EXO1: variants seen among roughly 807,000 people sequenced by gnomAD.
EXO1 encodes exonuclease 1.
In EXO1, 69 loss-of-function variants were observed where a neutral mutation model predicts 84.5. The observed-to-expected ratio is 0.82, with a 90% CI of 0.67 to 1.00. EXO1 has a LOEUF of 1.00. Among genes scored for constraint, EXO1 ranks in the 50% least tolerant of loss-of-function variants. EXO1 has a pLI of 0.00. For synonymous variants in EXO1, 373 were observed against 366.1 expected, an observed-to-expected ratio of 1.02 and a Z score of -0.21; for missense variants, 1,045 against 1,000.7, an observed-to-expected ratio of 1.04 and a Z score of -0.60.
intron 14 of EXO1, among the ~76,000 whole-genome samples, 199 bp from the exon 15 acceptor site, chr1:241,885,115 G>A (rs1662976326): frequency 6.6e-6 from 1 of 152,040 alleles, no homozygotes; most frequent in African/African-American, 2.4e-5. Flanking sequence ...GCTGAGGCAG[G>A]AGAATGGCGT....
chr1:241,857,778 T>C (rs1661147713), intron 7 of EXO1, among the ~76,000 whole-genome samples: 1 of 152,224 alleles, frequency 6.6e-6, no homozygotes, highest in African/African-American at 2.4e-5. Flanking sequence ...TTTGTTATTG[T>C]TTTATGCAGA....
chr1:241,866,756 T>C, intron 10 of EXO1, 74 bp from the exon 11 acceptor site: 1 of 1,120,438 alleles, frequency 8.9e-7, no homozygotes, highest in Admixed American at 1.7e-5. Flanking sequence ...TTATTTATAA[T>C]TTATGTTGAT....
chr1:241,860,943 T>A (rs1776131), intron 9 of EXO1, among the ~76,000 whole-genome samples: 99,913 of 152,132 alleles, frequency 0.66, 33,850 homozygotes, highest in African/African-American at 0.82. Flanking sequence ...TGACTGACAG[T>A]AGCATGCACA....
chr1:241,864,947 C>T (rs1462390324), intron 10 of EXO1, among the ~76,000 whole-genome samples: 1 of 150,674 alleles, frequency 6.6e-6, no homozygotes, highest in African/African-American at 2.4e-5. Flanking sequence ...GCAGTGGCAC[C>T]ATCAGAGCTC....
chr1:241,873,232 A>G (rs567506180), intron 12 of EXO1, among the ~76,000 whole-genome samples: 1 of 152,084 alleles, frequency 6.6e-6, no homozygotes, highest in Admixed American at 6.6e-5. Flanking sequence ...CCCTCCCCCC[A>G]ATTGTGGTTT....
intron 10 of EXO1, among the ~76,000 whole-genome samples, chr1:241,865,500 C>G (rs528303381): frequency 7.9e-5 from 12 of 152,068 alleles, no homozygotes; most frequent in Non-Finnish European, 1.5e-4. Flanking sequence ...TGTGAGCCAC[C>G]ATGCCTGGCC....
rs1661320299 is a variant in EXO1 at position 241,860,507 on chromosome 1, G to A, written c.757-10G>A. ...AGTTGCAGATAAAATATTTTTGCAT[G>A]CATTGTTAGGTTATCAAGAAAATTG... On this transcript the variant is annotated splice_polypyrimidine_tract_variant and intron_variant, in intron 8 of 15. Transcript: ENST00000366548. 6.3e-7 allele frequency: 1 copy of A among 1,598,712 alleles called. No individual in the cohort carries two copies. The highest frequency in any genetic ancestry group is 1.1e-5 in the South Asian group (1 of 90,736).
At chr1:241,889,431 A>G in intron 15 of EXO1, 34 bp from the exon 16 acceptor site, 1 of 1,594,284 alleles carries the variant, frequency 6.3e-7, no homozygotes, top group Non-Finnish European at 8.6e-7. Context: ...TCAGTACCTT[A>G]AAAATACCAA....
At chr1:241,889,081 A>AG (rs896019192) in intron 15 of EXO1, among the ~76,000 whole-genome samples, 2 of 152,126 alleles carry the variant, frequency 1.3e-5, no homozygotes, top group African/African-American at 4.8e-5. Flanking sequence ...AAAAAGAAAA[A>AG]AAATAATAAT....
chr1:241,855,205 G>C (rs149431640), intron 6 of EXO1, among the ~76,000 whole-genome samples: 2 of 152,160 alleles, frequency 1.3e-5, no homozygotes, highest in African/African-American at 4.8e-5. Context: ...TGGTAGAACC[G>C]AGTGGTCTGT....
chr1:241,862,112 A>G (rs986532765), intron 10 of EXO1, among the ~76,000 whole-genome samples: 3 of 151,906 alleles, frequency 2.0e-5, no homozygotes, highest in Non-Finnish European at 4.4e-5. Flanking sequence ...CTAATTTTGT[A>G]TTTTTAGTAG....
At chr1:241,869,623 A>G (rs189334123) in intron 11 of EXO1, among the ~76,000 whole-genome samples, 1 of 152,304 alleles carries the variant, frequency 6.6e-6, no homozygotes, top group East Asian at 1.9e-4. Flanking sequence ...CATGATAATT[A>G]TCTCTGAACC....
intron 8 of EXO1, 46 bp from the exon 9 acceptor site, chr1:241,860,471 C>G: frequency 7.3e-7 from 1 of 1,364,520 alleles, no homozygotes; most frequent in South Asian, 1.2e-5. Context: ...ATAATATGTT[C>G]CCTGTTCTTT....
At position 241,875,369 on chromosome 1, in the gene EXO1, G is replaced by A. The variant is rs539993133; in HGVS notation, c.1514+3091G>A. Among the ~76,000 whole-genome samples, 243 of 152,306 alleles carry A rather than the reference G, an allele frequency of 1.6e-3. 1 individual carries two copies. Among genetic ancestry groups the A allele is most frequent in the Non-Finnish European group, 7.6e-4 (52 of 68,034 alleles). On this transcript the variant is annotated intron_variant, in intron 12 of 15. Coordinates refer to ENST00000366548, the MANE Select transcript of EXO1 (RefSeq NM_130398.4). ...GTCTAACCATGATGATGGGAGAAGA[G>A]CATGAAAGAATGAACCACTGGTAGT... is the stretch of plus-strand genomic sequence containing the variant.
chr1:241,885,520 G>A lies in EXO1; in HGVS notation c.2405+13G>A, dbSNP rs374584094. 3.1e-6 allele frequency: 5 copies of A among 1,587,658 alleles called. No homozygotes were observed. The highest frequency in any genetic ancestry group is 3.5e-6 in the Non-Finnish European group (4 of 1,156,284). ...TTGGATTTAAAAAGTGAGTTGCCTT[G>A]TTTCTTATTCTGAAACAAGATAAAC... On this transcript the variant is annotated intron_variant, in intron 15 of 15. Transcript: ENST00000366548.
chr1:241,865,738 A>G (rs969952640), intron 10 of EXO1, among the ~76,000 whole-genome samples: 2 of 152,142 alleles, frequency 1.3e-5, no homozygotes, highest in Non-Finnish European at 2.9e-5. Flanking sequence ...TCTAAAATTT[A>G]TTTAGTCTGG....
chr1:241,850,088 T>G (rs1206841091), intron 3 of EXO1, among the ~76,000 whole-genome samples: 1 of 151,886 alleles, frequency 6.6e-6, no homozygotes, highest in East Asian at 1.9e-4. Context: ...GAGACCATCC[T>G]GGCTAACATG....
chr1:241,859,316 G>C (rs1661242045), intron 8 of EXO1, among the ~76,000 whole-genome samples: 1 of 152,116 alleles, frequency 6.6e-6, no homozygotes, highest in African/African-American at 2.4e-5. Flanking sequence ...ATAGAAGACA[G>C]CTGTGTTCGT....
intron 14 of EXO1, among the ~76,000 whole-genome samples, chr1:241,883,137 ATATAT>A (rs1402554219): frequency 6.6e-6 from 1 of 152,234 alleles, no homozygotes; most frequent in African/African-American, 2.4e-5. Flanking sequence ...TACCATGAGC[ATATAT>A]TATGTTTCTA....
Sources: gnomAD v4.1 joint callset for allele counts (sites outside exome capture counted in the v4.1 genomes callset) on GRCh38, gnomAD v4.1.1 for gene constraint, MANE v1.5 for transcripts, NCBI Gene and HGNC (gene_info 2026-07-23, HGNC 2026-07-21) for gene names.